The following CABIN1 variants were observed in gnomAD, a reference collection of about 807,000 sequenced individuals.
The protein encoded by CABIN1 is calcineurin binding protein 1.
A neutral mutation model predicts 227.7 loss-of-function variants in CABIN1; 133 were observed. That is an observed-to-expected ratio of 0.58 (90% confidence interval 0.51 to 0.67). CABIN1 has a LOEUF of 0.67. Among genes scored for constraint, CABIN1 ranks in the 30% least tolerant of loss-of-function variants. The probability of loss-of-function intolerance (pLI) is 0.00; values close to 1 mark genes in which losing one functional copy is unlikely to be tolerated. For synonymous variants in CABIN1, 1,086 were observed against 1,155.1 expected (o/e 0.94, Z 1.21); for missense variants, 2,408 against 2,852.5 (o/e 0.84, Z 3.55).
intron 4 of CABIN1, 92 bp from the exon 5 acceptor site, chr22:24,041,047 C>T (rs974653976): frequency 1.3e-6 from 2 of 1,502,948 alleles, no homozygotes; most frequent in Non-Finnish European, 9.3e-7. Context: ...CAAGGGCCTG[C>T]AGCAGAGGCC....
chr22:24,029,120 G>T (rs1458464494), intron 1 of CABIN1, among the ~76,000 whole-genome samples: 1 of 152,162 alleles, frequency 6.6e-6, no homozygotes, highest in African/African-American at 2.4e-5. Flanking sequence ...TTGGGAGGCC[G>T]AGACAGGTGG....
intron 33 of CABIN1, among the ~76,000 whole-genome samples, chr22:24,168,794 C>T (rs1569316419): frequency 1.3e-5 from 2 of 152,196 alleles, no homozygotes; most frequent in South Asian, 4.1e-4. Context: ...AGCCAGCTGA[C>T]CTCAACTGGG....
intron 29 of CABIN1, among the ~76,000 whole-genome samples, chr22:24,148,094 A>G (rs1270103992): frequency 4.6e-5 from 7 of 152,076 alleles, no homozygotes; most frequent in Non-Finnish European, 2.9e-5. Context: ...TGCTGTTAGA[A>G]GTTTCCCTCT....
At chr22:24,089,520 G>A (rs1394573386) in intron 23 of CABIN1, among the ~76,000 whole-genome samples, 3 of 152,210 alleles carry the variant, frequency 2.0e-5, no homozygotes, top group Non-Finnish European at 4.4e-5. Flanking sequence ...GTCCCGACAG[G>A]GAGGGAGGGA....
intron 29 of CABIN1, among the ~76,000 whole-genome samples, chr22:24,143,604 G>A (rs1457276920): frequency 6.6e-6 from 1 of 152,202 alleles, no homozygotes; most frequent in Non-Finnish European, 1.5e-5. Context: ...CAGCAGCTGG[G>A]CCTGGCTGTG....
rs1185347042 is a variant in CABIN1, at chr22:24,164,628, G to C, written c.4910+65G>C. On this transcript the variant is annotated intron_variant, in intron 30 of 36. Transcript: ENST00000263119. ...TGGGTCAGGGGCACACACACCCCAG[G>C]AAGCCTCTCCACTGCTCTGGCCCAG... 3.9e-6 allele frequency: 6 copies of C among 1,553,694 alleles called. No homozygotes were observed. In the African/African-American group the frequency reaches 6.8e-5, roughly 18 times the overall value.
chr22:24,164,357 C>T (rs1157299486), intron 29 of CABIN1, 43 bp from the exon 30 acceptor site: 2 of 1,598,658 alleles, frequency 1.3e-6, no homozygotes, highest in Admixed American at 1.7e-5. Flanking sequence ...GAGGCTCCTG[C>T]CACAACCACC....
At chr22:24,167,695 T>C (rs920348387) in intron 32 of CABIN1, among the ~76,000 whole-genome samples, 4 of 152,222 alleles carry the variant, frequency 2.6e-5, no homozygotes, top group Middle Eastern at 3.2e-3. Flanking sequence ...TTTATTTTAA[T>C]GTATCAAGCA....
chr22:24,105,739 G>C (rs529122908), intron 26 of CABIN1, among the ~76,000 whole-genome samples: 8 of 152,292 alleles, frequency 5.3e-5, no homozygotes, highest in African/African-American at 1.7e-4. Context: ...CTCAGAACCA[G>C]GGGGCCCAGA....
intron 1 of CABIN1, among the ~76,000 whole-genome samples, chr22:24,022,691 C>T (rs1304881834): frequency 6.6e-6 from 1 of 152,144 alleles, no homozygotes; most frequent in South Asian, 2.1e-4. Context: ...AACCATTTTC[C>T]ATTCCTATCA....
At chr22:24,049,315 A>C (rs1460478990) in intron 7 of CABIN1, 95 bp downstream of exon 7, 2 of 1,474,028 alleles carry the variant, frequency 1.4e-6, no homozygotes, top group Non-Finnish European at 1.9e-6. Context: ...GGTCCCATGG[A>C]TGGAGCCCCT....
intron 29 of CABIN1, among the ~76,000 whole-genome samples, chr22:24,139,689 G>A (rs558627309): frequency 6.6e-6 from 1 of 152,282 alleles, no homozygotes; most frequent in East Asian, 1.9e-4. Context: ...CTGCTGCCCA[G>A]TCTCCTTGGG....
chr22:24,041,368 G>A, intron 5 of CABIN1, 95 bp downstream of exon 5: 2 of 1,499,092 alleles, frequency 1.3e-6, no homozygotes, highest in South Asian at 1.1e-5. Flanking sequence ...AGAAGAGTTT[G>A]TAGTGGTGGA....
rs1478795363 is a variant in CABIN1, at chr22:24,176,263, A to G, written c.6193A>G (p.Thr2065Ala). The G allele has an allele frequency of 1.2e-6, 2 of 1,602,206 alleles. No individual in the cohort carries two copies. Among genetic ancestry groups the G allele is most frequent in the South Asian group, 1.1e-5 (1 of 89,512 alleles). The change falls in exon 35 of 37, where the codon ACC becomes GCC. Residue 2065 changes from threonine (T) to alanine (A), a missense_variant. Transcript: ENST00000263119. ...EAALGTGAEP[T>A]CSQEGKLRPE... ...TGCCCTGGGCACAGGCGCTGAGCCC[A>G]CCTGCAGCCAGGGTAAGGCGAGTTG...
At chr22:24,055,342 C>T (rs755196846) in intron 9 of CABIN1, among the ~76,000 whole-genome samples, 183 bp downstream of exon 9, 12 of 152,372 alleles carry the variant, frequency 7.9e-5, no homozygotes, top group East Asian at 7.7e-4. Flanking sequence ...TGCCACTGCC[C>T]GTCAGGGCCA....
chr22:24,072,286 C>G, intron 17 of CABIN1, 68 bp from the exon 18 acceptor site: 1 of 1,573,726 alleles, frequency 6.4e-7, no homozygotes, highest in Non-Finnish European at 8.7e-7. Flanking sequence ...CCTCCTGCCT[C>G]CCTTCAGTCT....
intron 29 of CABIN1, chr22:24,160,470 C>G (rs1051590776): frequency 2.0e-5 from 3 of 152,326 alleles, no homozygotes; most frequent in African/African-American, 7.2e-5. Flanking sequence ...TCAGAACAGC[C>G]TTGGGCTGTG....
chr22:24,070,080 A>AT (rs1173824097), intron 16 of CABIN1, among the ~76,000 whole-genome samples: 1 of 151,662 alleles, frequency 6.6e-6, no homozygotes, highest in Non-Finnish European at 1.5e-5. Context: ...AAAAAAAAAA[A>AT]GGAGCTTTGC....
At chr22:24,154,214 G>A (rs1228990454) in intron 29 of CABIN1, among the ~76,000 whole-genome samples, 3 of 152,200 alleles carry the variant, frequency 2.0e-5, no homozygotes, top group Admixed American at 6.5e-5. Context: ...TGATCTTACA[G>A]GAAGTAGATA....
Sources: gnomAD v4.1 joint callset for allele counts (sites outside exome capture counted in the v4.1 genomes callset) on GRCh38, gnomAD v4.1.1 for gene constraint, MANE v1.5 for transcripts, NCBI Gene and HGNC (gene_info 2026-07-23, HGNC 2026-07-21) for gene names.